Variants in PCDHA4 observed in about 807,000 individuals in gnomAD.
The protein encoded by PCDHA4 is protocadherin alpha-4.
Under a neutral mutation model 61.4 loss-of-function variants are expected in PCDHA4, and 49 were observed. The ratio of observed to expected loss-of-function variants is 0.80; its 90% CI spans 0.63 to 1.01. The LOEUF is 1.01. PCDHA4 is among the 50% of genes least tolerant of loss of function. The pLI is 0.00. For synonymous variants in PCDHA4, 590 were observed against 550.3 expected (o/e 1.07, Z -1.01); for missense variants, 1,254 against 1,235.8 (o/e 1.01, Z -0.22).
At chr5:140,899,158 T>G (rs1285542285) in intron 1 of PCDHA4, among the ~76,000 whole-genome samples, 1 of 152,188 alleles carries the variant, frequency 6.6e-6, no homozygotes, top group African/African-American at 2.4e-5. Context: ...TGACTTCCTC[T>G]TTTCCTAATT....
chr5:140,836,463 G>A (rs2150261592), intron 1 of PCDHA4: 2 of 1,613,838 alleles, frequency 1.2e-6, no homozygotes, highest in Middle Eastern at 1.6e-4. Context: ...GACCGAGCTG[G>A]TGGATGTCAA....
chr5:140,877,112 G>A, intron 1 of PCDHA4: 1 of 1,613,670 alleles, frequency 6.2e-7, no homozygotes, highest in Non-Finnish European at 8.5e-7. Flanking sequence ...CCTCTGGGCA[G>A]CAACGTGACG....
intron 1 of PCDHA4, among the ~76,000 whole-genome samples, chr5:140,839,681 GA>G (rs1261753126): frequency 6.6e-6 from 1 of 152,000 alleles, no homozygotes; most frequent in Non-Finnish European, 1.5e-5. Context: ...CAACTACAGA[GA>G]TTTTTTTGGG....
chr5:140,886,841 A>G lies in PCDHA4; in HGVS notation c.2385+77269A>G, dbSNP rs11748230. ...GACTTCGTCTTGAAAAAAAAAAAAA[A>G]AAAAAAGAAAGGTCTTCCCAACTCC... is the stretch of plus-strand genomic sequence containing the variant. On this transcript the variant is annotated intron_variant, in intron 1 of 3. Transcript: ENST00000530339. Among the ~76,000 whole-genome samples the G allele has an allele frequency of 9.0e-3, 1,368 of 151,662 alleles. 8 individuals are homozygous for G. Among genetic ancestry groups the G allele is most frequent in the Non-Finnish European group, 0.016 (1,078 of 67,864 alleles).
chr5:140,966,928 C>T (rs782034487), intron 1 of PCDHA4: 1 of 1,603,332 alleles, frequency 6.2e-7, no homozygotes, highest in South Asian at 1.1e-5. Context: ...AGCAGGCACC[C>T]GGCGCGCTCG....
At position 140,852,782 on chromosome 5, in the gene PCDHA4, A is replaced by T. The variant is rs2042471437; in HGVS notation, c.2385+43210A>T. ...GTATCTGATTATTTGATGTGAATAG[A>T]GGGATGCTACAGATGTCATTTGTCT... On this transcript the variant is annotated intron_variant, in intron 1 of 3. Transcript: ENST00000530339. 4 of 979,406 alleles carry T rather than the reference A, an allele frequency of 4.1e-6. No homozygotes were observed. In the South Asian group the frequency reaches 1.9e-4, roughly 47 times the overall value. 60.7% of individuals were successfully genotyped at this position (979,406 alleles called of 1,614,324 possible). A position where few individuals can be genotyped will look rare whatever the true frequency, so the allele number is the denominator to read the frequency against.
At chr5:140,958,484 G>A (rs246009) in intron 1 of PCDHA4, among the ~76,000 whole-genome samples, 85,541 of 151,786 alleles carry the variant, frequency 0.56, 24,705 homozygotes, top group African/African-American at 0.69. Flanking sequence ...AGAGCACTAA[G>A]TCCACATATC....
chr5:140,842,048 G>C lies in PCDHA4; in HGVS notation c.2385+32476G>C, dbSNP rs2150328015. ...TGTGAATGATAATGCTCCCACTTTC[G>C]AACAGTCTGAATACGAAGTAAGAAT... On this transcript the variant is annotated intron_variant, in intron 1 of 3. Coordinates refer to ENST00000530339, the MANE Select transcript of PCDHA4 (RefSeq NM_018907.4). The C allele has an allele frequency of 2.4e-5, 39 of 1,613,798 alleles. 2 individuals carry two copies. The East Asian group carries it at 8.2e-4, about 34-fold the overall frequency.
At chr5:140,863,357 G>A (rs1320011614) in intron 1 of PCDHA4, 2 of 1,259,586 alleles carry the variant, frequency 1.6e-6, no homozygotes, top group South Asian at 1.2e-5. Context: ...ACGACGCTGC[G>A]GTGCTTGGCG....
intron 1 of PCDHA4, chr5:140,877,485 G>A (rs1554169791): frequency 6.2e-7 from 1 of 1,613,882 alleles, no homozygotes; most frequent in Admixed American, 1.7e-5. Flanking sequence ...CGCTGGTGGA[G>A]AACGGCCAGG....
At chr5:140,975,849 A>G (rs1157741908) in intron 1 of PCDHA4, among the ~76,000 whole-genome samples, 1 of 152,208 alleles carries the variant, frequency 6.6e-6, no homozygotes, top group Non-Finnish European at 1.5e-5. Flanking sequence ...CAGTAATACT[A>G]CATCACCCAT....
chr5:140,858,677 T>C (rs1480959792), intron 1 of PCDHA4: 2 of 629,026 alleles, frequency 3.2e-6, no homozygotes, highest in South Asian at 4.5e-5. Flanking sequence ...TTATTCTGAA[T>C]ACACTAATAT....
chr5:140,939,175 C>A (rs2092330886), intron 1 of PCDHA4, among the ~76,000 whole-genome samples: 1 of 152,010 alleles, frequency 6.6e-6, no homozygotes, highest in African/African-American at 2.4e-5. Context: ...TGGTAATGGC[C>A]CACTCCCTGG....
intron 1 of PCDHA4, among the ~76,000 whole-genome samples, chr5:140,961,185 G>T (rs2095595656): frequency 6.6e-6 from 1 of 152,100 alleles, no homozygotes; most frequent in Non-Finnish European, 1.5e-5. Context: ...ACTCCTCACA[G>T]GACCCTAGTG....
intron 1 of PCDHA4, among the ~76,000 whole-genome samples, chr5:140,951,497 A>G (rs2094591184): frequency 6.6e-6 from 1 of 152,030 alleles, no homozygotes; most frequent in Non-Finnish European, 1.5e-5. Flanking sequence ...GGTGGAAGGC[A>G]AAAGGAAAGC....
chr5:140,863,782 C>T (rs570936581), intron 1 of PCDHA4: 24 of 228,258 alleles, frequency 1.1e-4, no homozygotes, highest in Non-Finnish European at 1.2e-4. Flanking sequence ...GCGGATCACT[C>T]GAGGCCAGGA....
intron 3 of PCDHA4, among the ~76,000 whole-genome samples, chr5:140,995,339 G>A (rs782776966): frequency 1.3e-4 from 20 of 152,026 alleles, no homozygotes; most frequent in Non-Finnish European, 7.4e-5. Context: ...TAGTGTAGAC[G>A]GCATGGATAG....
chr5:140,873,497 T>C (rs1236825837), intron 1 of PCDHA4, among the ~76,000 whole-genome samples: 1 of 152,230 alleles, frequency 6.6e-6, no homozygotes, highest in Non-Finnish European at 1.5e-5. Context: ...TGCAAAGTTG[T>C]GTCTTTTATA....
chr5:140,928,223 A>G (rs2085050678), intron 1 of PCDHA4: 1 of 1,614,178 alleles, frequency 6.2e-7, no homozygotes. Flanking sequence ...AATACACCAA[A>G]CTTTCCTCAA....
Sources: allele counts gnomAD v4.1 joint callset (sites outside exome capture counted in the v4.1 genomes callset), GRCh38; gene constraint gnomAD v4.1.1; transcripts MANE v1.5; gene names NCBI Gene and HGNC (gene_info 2026-07-23, HGNC 2026-07-21).